The following PRKCH variants were observed in gnomAD, a reference collection of about 807,000 sequenced individuals.
The protein encoded by PRKCH is protein kinase C eta type.
PRKCH carries 28 observed loss-of-function variants against 82.5 expected under a neutral mutation model. The observed-to-expected ratio is 0.34, with a 90% CI of 0.25 to 0.47. The LOEUF (loss-of-function observed/expected upper bound fraction) is 0.47, where lower values mean the gene tolerates loss of function less well. Among genes scored for constraint, PRKCH ranks in the 20% least tolerant of loss-of-function variants. The pLI is 1.00. For synonymous variants in PRKCH, 322 were observed against 327.4 expected, an observed-to-expected ratio of 0.98 and a Z score of 0.18; for missense variants, 705 against 881.8, an observed-to-expected ratio of 0.80 and a Z score of 2.54.
intron 1 of PRKCH, among the ~76,000 whole-genome samples, chr14:61,199,473 A>G (rs949892480): frequency 6.6e-6 from 1 of 152,198 alleles, no homozygotes. Context: ...CTGTTTTCAC[A>G]TACTTTTGCT....
At chr14:61,327,588 C>T (rs1594915763) in intron 1 of PRKCH, among the ~76,000 whole-genome samples, 2 of 152,150 alleles carry the variant, frequency 1.3e-5, no homozygotes, top group Admixed American at 1.3e-4. Flanking sequence ...CAGATATTTT[C>T]CCCTTTGGAG....
chr14:61,397,861 A>G (rs754600311), intron 2 of PRKCH, among the ~76,000 whole-genome samples: 2 of 152,242 alleles, frequency 1.3e-5, no homozygotes, highest in Non-Finnish European at 2.9e-5. Context: ...GGTAAAAAGA[A>G]CAGATGAACC....
At chr14:61,502,076 TTTTTTTC>T (rs1886941002) in intron 10 of PRKCH, among the ~76,000 whole-genome samples, 6 of 140,216 alleles carry the variant, frequency 4.3e-5, no homozygotes, top group African/African-American at 1.4e-4. Context: ...TTTTTTTTTT[TTTTTTTC>T]CGAGATGGAG....
At chr14:61,257,199 G>A (rs1387853729) in intron 1 of PRKCH, among the ~76,000 whole-genome samples, 1 of 152,192 alleles carries the variant, frequency 6.6e-6, no homozygotes, top group African/African-American at 2.4e-5. Context: ...TTTCTCCAGT[G>A]AGAGTTAATA....
intron 1 of PRKCH, among the ~76,000 whole-genome samples, chr14:61,332,665 G>C (rs1237776874): frequency 6.6e-6 from 1 of 152,206 alleles, no homozygotes; most frequent in African/African-American, 2.4e-5. Flanking sequence ...AAGTCATATA[G>C]GCCAGAGTGA....
chr14:61,478,151 G>A (rs1219324281), intron 9 of PRKCH, among the ~76,000 whole-genome samples: 1 of 152,204 alleles, frequency 6.6e-6, no homozygotes, highest in Non-Finnish European at 1.5e-5. Flanking sequence ...AACATTTCTT[G>A]AGCATTTCAC....
chr14:61,365,805 A>G (rs536760608), intron 1 of PRKCH, among the ~76,000 whole-genome samples: 2 of 152,218 alleles, frequency 1.3e-5, no homozygotes, highest in East Asian at 1.9e-4. Flanking sequence ...ACATAAACAC[A>G]GGAAAAGTTA....
intron 2 of PRKCH, among the ~76,000 whole-genome samples, chr14:61,425,864 A>G (rs1008303699): frequency 2.0e-5 from 3 of 152,154 alleles, no homozygotes; most frequent in Admixed American, 6.5e-5. Flanking sequence ...GGTTTCGTCC[A>G]TGCTGTTCTT....
intron 1 of PRKCH, among the ~76,000 whole-genome samples, chr14:61,247,637 G>C (rs373921608): frequency 1.3e-5 from 2 of 150,130 alleles, no homozygotes; most frequent in South Asian, 2.1e-4. Flanking sequence ...TTGGGAGGCT[G>C]AGGCAGGAGA....
upstream of PRKCH, among the ~76,000 whole-genome samples, chr14:61,320,602 AAAC>A (rs55918746): frequency 9.2e-5 from 14 of 151,516 alleles, no homozygotes; most frequent in Admixed American, 3.9e-4. Flanking sequence ...TCCGTCTCAA[AAAC>A]AACAACAACA....
chr14:61,388,586 A>G (rs914679949), intron 1 of PRKCH, among the ~76,000 whole-genome samples: 19 of 152,158 alleles, frequency 1.2e-4, no homozygotes, highest in African/African-American at 4.3e-4. Context: ...GGTCGAATGT[A>G]TGTGTATGTA....
intron 12 of PRKCH, among the ~76,000 whole-genome samples, chr14:61,534,012 C>T (rs1212715362): frequency 2.0e-5 from 3 of 152,126 alleles, no homozygotes; most frequent in African/African-American, 4.8e-5. Context: ...CCCTTCCAAC[C>T]CCCTCGTTTT....
intron 1 of PRKCH, among the ~76,000 whole-genome samples, chr14:61,259,940 T>A (rs1307898505): frequency 6.6e-6 from 1 of 152,284 alleles, no homozygotes; most frequent in Non-Finnish European, 1.5e-5. Context: ...ATTTGGCGTA[T>A]AAGTGACCGA....
At chr14:61,240,504 G>C (rs529512073) in intron 1 of PRKCH, among the ~76,000 whole-genome samples, 1 of 152,264 alleles carries the variant, frequency 6.6e-6, no homozygotes, top group South Asian at 2.1e-4. Context: ...ACAAGGATAA[G>C]AGGGCAGGAC....
intron 2 of PRKCH, among the ~76,000 whole-genome samples, chr14:61,409,799 A>G (rs1338293091): frequency 6.6e-6 from 1 of 151,678 alleles, no homozygotes; most frequent in Non-Finnish European, 1.5e-5. Flanking sequence ...TGTATATGCT[A>G]CTTGTTATTA....
At chr14:61,340,183 C>G (rs1275049027) in intron 1 of PRKCH, among the ~76,000 whole-genome samples, 1 of 151,998 alleles carries the variant, frequency 6.6e-6, no homozygotes, top group Non-Finnish European at 1.5e-5. Flanking sequence ...CAGGAGACTG[C>G]GCTGGCGAAG....
At position 61,306,657 on chromosome 14, in the gene PRKCH, A is replaced by G. The variant is rs1239134702; in HGVS notation, c.-19+118989A>G. Reference sequence around the variant, plus strand: ...CTGGCATTAGCTACTATCTATGGCCATAAGTGAATGTCCTCTGATGTATGT... The same window carrying G: ...CTGGCATTAGCTACTATCTATGGCCGTAAGTGAATGTCCTCTGATGTATGT... On this transcript the variant is annotated intron_variant, in intron 1 of 3. Transcript: ENST00000555185. The G allele has an allele frequency of 2.0e-5, 3 of 152,354 alleles. No individual in the cohort carries two copies. In the East Asian group the frequency reaches 5.8e-4, roughly 29 times the overall value. The allele number at this position is 152,354 out of a possible 1,614,324, so 9.4% of individuals were successfully genotyped here. A position where few individuals can be genotyped will look rare whatever the true frequency, so the allele number is the denominator to read the frequency against.
At chr14:61,445,515 G>T (rs749745500) in intron 3 of PRKCH, among the ~76,000 whole-genome samples, 177 bp from the exon 4 acceptor site, 21 of 152,180 alleles carry the variant, frequency 1.4e-4, no homozygotes, top group Admixed American at 6.5e-5. Flanking sequence ...CCAGCACATG[G>T]TTTTTTCTGG....
At chr14:61,390,327 A>G (rs193221143) in intron 1 of PRKCH, among the ~76,000 whole-genome samples, 13 of 152,336 alleles carry the variant, frequency 8.5e-5, no homozygotes, top group African/African-American at 2.9e-4. Flanking sequence ...GCATGTCTTG[A>G]TATTTCAGCT....
Sources: gnomAD v4.1 joint callset for allele counts (sites outside exome capture counted in the v4.1 genomes callset) on GRCh38, gnomAD v4.1.1 for gene constraint, MANE v1.5 for transcripts, NCBI Gene and HGNC (gene_info 2026-07-23, HGNC 2026-07-21) for gene names.